FAM161A: variants seen among roughly 807,000 people sequenced by gnomAD.
FAM161A encodes the protein FAM161 centrosomal protein A.
A neutral mutation model predicts 70.9 loss-of-function variants in FAM161A; 57 were observed. The observed-to-expected ratio is 0.80, with a 90% CI of 0.65 to 1.00. FAM161A has a LOEUF of 1.00. Ranked by LOEUF, FAM161A falls within the 50% of genes least tolerant of loss-of-function variation. The pLI is 0.00. For synonymous variants in FAM161A, 299 were observed against 295.7 expected, an observed-to-expected ratio of 1.01 and a Z score of -0.12; for missense variants, 880 against 836.0, an observed-to-expected ratio of 1.05 and a Z score of -0.65.
chr2:61,848,236 C>T (rs975694007), intron 1 of FAM161A, among the ~76,000 whole-genome samples: 7 of 152,150 alleles, frequency 4.6e-5, no homozygotes, highest in South Asian at 2.1e-4. Flanking sequence ...CTGAAAGATG[C>T]GGCAGGTCTG....
At chr2:61,839,072 T>C (rs1672894342) in intron 3 of FAM161A, among the ~76,000 whole-genome samples, 2 of 151,514 alleles carry the variant, frequency 1.3e-5, no homozygotes, top group African/African-American at 4.8e-5. Context: ...TTAGTAGAGA[T>C]GGGGGTTTCA....
intron 1 of FAM161A, among the ~76,000 whole-genome samples, chr2:61,849,543 G>C (rs1278003970): frequency 1.3e-5 from 2 of 151,856 alleles, no homozygotes; most frequent in African/African-American, 4.8e-5. Context: ...ACAGCACTTT[G>C]GGAGGTCAAG....
the FAM161A span, among the ~76,000 whole-genome samples, chr2:61,812,059 C>T: frequency 6.6e-6 from 1 of 152,128 alleles, no homozygotes; most frequent in Non-Finnish European, 1.5e-5. Flanking sequence ...CCCAGTCATC[C>T]ACAGAATACA....
chr2:61,805,671 G>T, the FAM161A span, among the ~76,000 whole-genome samples: 70 of 152,050 alleles, frequency 4.6e-4, no homozygotes, highest in African/African-American at 1.6e-3. Context: ...TGGCTTTACC[G>T]AGCCAGGTGT....
At chr2:61,811,554 A>G in the FAM161A span, among the ~76,000 whole-genome samples, 1 of 152,056 alleles carries the variant, frequency 6.6e-6, no homozygotes, top group Non-Finnish European at 1.5e-5. Context: ...TCGTATTTTT[A>G]GTAGAGACTA....
At chr2:61,812,102 T>A in the FAM161A span, among the ~76,000 whole-genome samples, 1 of 152,056 alleles carries the variant, frequency 6.6e-6, no homozygotes, top group African/African-American at 2.4e-5. Flanking sequence ...GACTCAAATG[T>A]CCGCTTATTA....
intron 5 of FAM161A, 174 bp downstream of exon 5, chr2:61,835,836 T>G: frequency 1.6e-6 from 1 of 620,398 alleles, no homozygotes; most frequent in Non-Finnish European, 2.9e-6. Flanking sequence ...GGCTAAATGC[T>G]CGGATTTAAG....
At chr2:61,846,128 T>C (rs916397275) in intron 1 of FAM161A, among the ~76,000 whole-genome samples, 5 of 140,914 alleles carry the variant, frequency 3.5e-5, no homozygotes, top group Non-Finnish European at 7.6e-5. Flanking sequence ...GAGAAATCTA[T>C]AGGATCACAG....
intron 5 of FAM161A, among the ~76,000 whole-genome samples, chr2:61,834,533 G>A (rs1356289492): frequency 1.3e-5 from 2 of 151,202 alleles, no homozygotes; most frequent in Non-Finnish European, 2.9e-5. Context: ...CGCAATCTCA[G>A]CTCACTACAA....
At chr2:61,812,050 C>T in the FAM161A span, among the ~76,000 whole-genome samples, 1 of 152,136 alleles carries the variant, frequency 6.6e-6, no homozygotes, top group African/African-American at 2.4e-5. Context: ...GATGCCTCCC[C>T]CAGTCATCCA....
chr2:61,818,654 C>T, the FAM161A span, among the ~76,000 whole-genome samples: 3 of 152,074 alleles, frequency 2.0e-5, no homozygotes, highest in African/African-American at 7.2e-5. Flanking sequence ...ATGATGATAC[C>T]TCACATAAAA....
At chr2:61,810,384 C>T in the FAM161A span, among the ~76,000 whole-genome samples, 3 of 151,614 alleles carry the variant, frequency 2.0e-5, no homozygotes, top group African/African-American at 7.3e-5. Context: ...AGGTTACTCA[C>T]CCAATAATTC....
At chr2:61,833,965 C>T (rs151177898) in intron 5 of FAM161A, among the ~76,000 whole-genome samples, 19 of 152,236 alleles carry the variant, frequency 1.2e-4, no homozygotes, top group African/African-American at 4.6e-4. Flanking sequence ...TTCAAGGTTC[C>T]AGTGAGCTAT....
chr2:61,806,531 T>A, the FAM161A span, among the ~76,000 whole-genome samples: 7 of 152,168 alleles, frequency 4.6e-5, no homozygotes, highest in Non-Finnish European at 1.0e-4. Flanking sequence ...ATTTTAATAC[T>A]GATTCTCAGT....
chr2:61,845,438 T>A (rs1382318340), intron 1 of FAM161A, among the ~76,000 whole-genome samples: 1 of 152,106 alleles, frequency 6.6e-6, no homozygotes, highest in Non-Finnish European at 1.5e-5. Flanking sequence ...CAGGAGCCAG[T>A]GGTAGACAGG....
chr2:61,803,303 A>C, the FAM161A span: 5 of 640,682 alleles, frequency 7.8e-6, no homozygotes, highest in East Asian at 1.6e-4. Context: ...GATTCCTTGG[A>C]TTATGTAAAG....
rs150442167 is a variant in FAM161A at position 61,831,970 on chromosome 2, G to A, written c.1851+4040C>T. ...CAGAGATATAAAAGACAGGCTGGGT[G>A]TGGTGGCTCACACTTGGAATCCCGA... On this transcript the variant is annotated intron_variant, in intron 5 of 6. Coordinates refer to ENST00000404929, the MANE Select transcript of FAM161A (RefSeq NM_001201543.2). Among the ~76,000 whole-genome samples the A allele has an allele frequency of 1.8e-3, 267 of 152,202 alleles. 2 individuals carry two copies. Among genetic ancestry groups the A allele is most frequent in the African/African-American group, 6.1e-3 (255 of 41,536 alleles).
At chr2:61,817,062 CT>C in the FAM161A span, among the ~76,000 whole-genome samples, 1 of 152,154 alleles carries the variant, frequency 6.6e-6, no homozygotes, top group African/African-American at 2.4e-5. Flanking sequence ...AGAAATAAAG[CT>C]TTACCAAGAT....
chr2:61,842,234 C>T lies in FAM161A; in HGVS notation c.310G>A (p.Ala104Thr), dbSNP rs920822935. 4.3e-6 allele frequency: 7 copies of T among 1,613,220 alleles called. No homozygotes were observed. The highest frequency in any genetic ancestry group is 2.7e-5 in the African/African-American group (2 of 74,882). ...EYFKKVEELK[A>T]AHIETMAKLE... is the part of the protein sequence containing the mutation. ...TTTGCCATAGTTTCTATGTGGGCAG[C>T]CTTCAACTCTTCTACTTTCTTGAAA... The change falls in exon 2 of 7, where the codon GCT becomes ACT. Residue 104 changes from alanine (A) to threonine (T), a missense_variant. Ala to Thr is a moderately conservative substitution (Grantham distance 58). Transcript: ENST00000404929.
Sources: gnomAD v4.1 joint callset for allele counts (sites outside exome capture counted in the v4.1 genomes callset) on GRCh38, gnomAD v4.1.1 for gene constraint, MANE v1.5 for transcripts, NCBI Gene and HGNC (gene_info 2026-07-23, HGNC 2026-07-21) for gene names.